RDX: variants seen among roughly 807,000 people sequenced by gnomAD.
RDX encodes the protein radixin.
In RDX, 32 loss-of-function variants were observed where a neutral mutation model predicts 83.7. The observed-to-expected ratio is 0.38, with a 90% confidence interval of 0.29 to 0.51. RDX has a LOEUF of 0.51. Ranked by LOEUF, RDX falls within the 20% of genes least tolerant of loss-of-function variation. The probability of loss-of-function intolerance (pLI) is 0.87; values close to 1 mark genes in which losing one functional copy is unlikely to be tolerated. For missense variants in RDX, 600 were observed against 689.9 expected, an observed-to-expected ratio of 0.87 and a Z score of 1.46; for synonymous variants, 229 against 222.7, an observed-to-expected ratio of 1.03 and a Z score of -0.25.
At chr11:110,197,679 G>A (rs1331551069) in intron 15 of RDX, among the ~76,000 whole-genome samples, 3 of 152,188 alleles carry the variant, frequency 2.0e-5, no homozygotes, top group East Asian at 3.8e-4. Context: ...GGAGTTTTAC[G>A]AGTTGACAAA....
intron 3 of RDX, 99 bp downstream of exon 3, chr11:110,272,437 G>T: frequency 2.5e-6 from 2 of 803,182 alleles, no homozygotes; most frequent in Non-Finnish European, 2.1e-6. Context: ...GTGGTACACT[G>T]TTGGATTATC....
chr11:110,246,257 T>TC (rs1254778893), intron 10 of RDX, among the ~76,000 whole-genome samples: 34 of 152,340 alleles, frequency 2.2e-4, no homozygotes, highest in African/African-American at 7.9e-4. Context: ...ATTGAAATGA[T>TC]CAATCAGCTT....
intron 2 of RDX, among the ~76,000 whole-genome samples, chr11:110,274,904 T>C (rs1860451231): frequency 6.6e-6 from 1 of 152,216 alleles, no homozygotes; most frequent in Non-Finnish European, 1.5e-5. Flanking sequence ...TCTCCGAGTG[T>C]CAGAATTTCT....
chr11:110,275,379 A>G (rs1335863990), intron 2 of RDX, among the ~76,000 whole-genome samples: 1 of 152,192 alleles, frequency 6.6e-6, no homozygotes, highest in Non-Finnish European at 1.5e-5. Flanking sequence ...TCAGCCTTAT[A>G]AGACTTTGAA....
intron 15 of RDX, among the ~76,000 whole-genome samples, chr11:110,183,083 T>C (rs1450520158): frequency 6.6e-6 from 1 of 152,154 alleles, no homozygotes; most frequent in Non-Finnish European, 1.5e-5. Context: ...TGAAGGGTGA[T>C]GACTCAAGCT....
intron 10 of RDX, among the ~76,000 whole-genome samples, chr11:110,241,561 T>C (rs1865101455): frequency 3.3e-5 from 5 of 152,344 alleles, no homozygotes; most frequent in Admixed American, 2.6e-4. Context: ...CCTCCCAAAG[T>C]GCTGGGATTA....
chr11:110,176,996 G>T (rs759174364), intron 15 of RDX, among the ~76,000 whole-genome samples: 4 of 152,238 alleles, frequency 2.6e-5, no homozygotes, highest in Non-Finnish European at 4.4e-5. Flanking sequence ...CTTCCACCGT[G>T]ACTGAAGCTT....
chr11:110,238,989 TCTTTGGTTAGG>T (rs937848400), intron 10 of RDX, among the ~76,000 whole-genome samples: 3 of 148,168 alleles, frequency 2.0e-5, no homozygotes, highest in Non-Finnish European at 4.5e-5. Flanking sequence ...GAAGAATGAC[TCTTTGGTTAGG>T]CTTTGGTTAG....
rs963457437 is a variant in RDX at position 110,282,997 on chromosome 11, T to TA, written c.-64-3242dup. Among the ~76,000 whole-genome samples the TA allele has an allele frequency of 1.0e-4, 15 of 149,606 alleles. No individual in the cohort carries two copies. The East Asian group carries it at 1.4e-3, about 14-fold the overall frequency. On this transcript the variant is annotated intron_variant, in intron 1 of 13. Coordinates refer to ENST00000645495, the MANE Select transcript of RDX (RefSeq NM_002906.4). ...GTCTAAAATGTAAAAAATAAAACAT[T>TA]AAAAAAAAATCCACAGGATATCATC...
intron 14 of RDX, among the ~76,000 whole-genome samples, chr11:110,217,476 A>C (rs1357944353): frequency 3.3e-5 from 5 of 152,174 alleles, no homozygotes; most frequent in Admixed American, 3.3e-4. Context: ...CTCCCACCAG[A>C]AGTCCTTAGC....
At chr11:110,176,816 G>A (rs1376074773) in intron 15 of RDX, among the ~76,000 whole-genome samples, 1 of 152,164 alleles carries the variant, frequency 6.6e-6, no homozygotes, top group Non-Finnish European at 1.5e-5. Flanking sequence ...CGAAGGTGGT[G>A]GGTGCGTCCC....
rs1162255990 is a variant in RDX at position 110,230,557 on chromosome 11, T to TCTCC, written c.*1311_*1312insGGAG. On this transcript the variant is annotated 3_prime_UTR_variant, in exon 14 of 14. Transcript: ENST00000645495. ...TCACATGCTACAAGGTTAGCATTTCTCTCTCTCATACACACACAGAGTACA... is the reference window on the plus strand; with the variant it reads ...TCACATGCTACAAGGTTAGCATTTCTCTCCCTCTCTCATACACACACAGAGTACA... 6.7e-6 allele frequency: 1 copy of TCTCC among 148,692 alleles called. No homozygotes were observed. Among genetic ancestry groups the TCTCC allele is most frequent in the Non-Finnish European group, 1.5e-5 (1 of 67,132 alleles). The allele number at this position is 148,692 out of a possible 1,614,324, so 9.2% of individuals were successfully genotyped here. A position where few individuals can be genotyped will look rare whatever the true frequency, so the allele number is the denominator to read the frequency against.
chr11:110,275,005 A>G (rs141976835), intron 2 of RDX, among the ~76,000 whole-genome samples: 9 of 152,330 alleles, frequency 5.9e-5, no homozygotes, highest in Non-Finnish European at 1.2e-4. Context: ...AACTGTGTCA[A>G]TGTATACTCC....
Position 110,185,969 on chromosome 11 carries a change from G to A in RDX, c.*32-10735C>T, listed in dbSNP as rs1862979092. 2.6e-5 allele frequency among the ~76,000 whole-genome samples: 4 copies of A among 152,238 alleles called. No homozygotes were observed. In the South Asian group the frequency reaches 8.3e-4, roughly 31 times the overall value. Reference sequence around the variant, plus strand: ...CCAGGGAAAGGGTATGGTGCTGACTGATGACTGTTGCATCCACGCTGGAGG... The same window carrying A: ...CCAGGGAAAGGGTATGGTGCTGACTAATGACTGTTGCATCCACGCTGGAGG... On this transcript the variant is annotated intron_variant, in intron 15 of 15. Transcript: ENST00000528498.
intron 10 of RDX, among the ~76,000 whole-genome samples, chr11:110,245,210 C>G (rs1859048937): frequency 6.6e-6 from 1 of 152,146 alleles, no homozygotes; most frequent in African/African-American, 2.4e-5. Context: ...CCTCAGCCTC[C>G]CAAAGTACTG....
intron 14 of RDX, among the ~76,000 whole-genome samples, chr11:110,207,648 A>G (rs1172309638): frequency 1.3e-5 from 2 of 152,126 alleles, no homozygotes; most frequent in Non-Finnish European, 2.9e-5. Flanking sequence ...CAGAGGAAGA[A>G]TATTTTGTGA....
chr11:110,262,849 G>C (rs972897036), intron 5 of RDX, among the ~76,000 whole-genome samples: 2 of 152,098 alleles, frequency 1.3e-5, no homozygotes, highest in Non-Finnish European at 2.9e-5. Flanking sequence ...TCAAAATTTA[G>C]GTCTTCTGAT....
At chr11:110,206,256 C>CAA (rs3040335) in intron 14 of RDX, among the ~76,000 whole-genome samples, 72,626 of 109,808 alleles carry the variant, frequency 0.66, 24,611 homozygotes, top group East Asian at 0.8. Flanking sequence ...GAGTCCATCT[C>CAA]AAAAAAAAAA....
intron 5 of RDX, chr11:110,263,419 T>G (rs535582821): frequency 6.6e-6 from 1 of 152,270 alleles, no homozygotes; most frequent in East Asian, 1.9e-4. Flanking sequence ...TATCACTGCC[T>G]CCATTTATTG....
Sources: allele counts gnomAD v4.1 joint callset (sites outside exome capture counted in the v4.1 genomes callset), GRCh38; gene constraint gnomAD v4.1.1; transcripts MANE v1.5; gene names NCBI Gene and HGNC (gene_info 2026-07-23, HGNC 2026-07-21).